LRPPRC: variants seen among roughly 807,000 people sequenced by gnomAD.
The protein encoded by LRPPRC is leucine rich pentatricopeptide repeat containing, also known as leucine-rich PPR motif-containing protein, mitochondrial.
LRPPRC carries 120 observed loss-of-function variants against 180.3 expected under a neutral mutation model. That is an observed-to-expected ratio of 0.67 (90% CI 0.57 to 0.77). LRPPRC has a LOEUF of 0.77. Ranked by LOEUF, LRPPRC falls within the 30% of genes least tolerant of loss-of-function variation. LRPPRC has a pLI of 0.00. For missense variants in LRPPRC, 2,012 were observed against 1,657.2 expected (o/e 1.21, Z -3.72); for synonymous variants, 723 against 600.0 (o/e 1.21, Z -3.00).
At chr2:43,956,120 C>T (rs1673103860) in intron 14 of LRPPRC, among the ~76,000 whole-genome samples, 1 of 150,056 alleles carries the variant, frequency 6.7e-6, no homozygotes, top group African/African-American at 2.4e-5. Context: ...GACATTCCAG[C>T]CTGGGCTCTT....
intron 37 of LRPPRC, among the ~76,000 whole-genome samples, 164 bp downstream of exon 37, chr2:43,889,570 G>A (rs977911320): frequency 2.0e-5 from 3 of 149,368 alleles, no homozygotes; most frequent in Non-Finnish European, 4.4e-5. Flanking sequence ...TCCGACTGCC[G>A]CAGCCAAGGC....
rs962318084 is a variant in LRPPRC at position 43,926,028 on chromosome 2, A to C, written c.2737-67T>G. ...CGGCTGAATATTATTTTTTTCCTCA[A>C]AGACAGTTTCTTTTCTTATGAATTT... On this transcript the variant is annotated intron_variant, in intron 25 of 37. Coordinates refer to ENST00000260665, the MANE Select transcript of LRPPRC (RefSeq NM_133259.4). The C allele has an allele frequency of 1.2e-5, 11 of 938,622 alleles. No homozygotes were observed. The Admixed American group carries it at 1.9e-4, about 16-fold the overall frequency. 58.1% of individuals were successfully genotyped at this position (938,622 alleles called of 1,614,324 possible).
At position 43,950,315 on chromosome 2, in the gene LRPPRC, T is replaced by C. The variant is rs4594494; in HGVS notation, c.1677+258A>G. 0.31 allele frequency among the ~76,000 whole-genome samples: 47,368 copies of C among 151,830 alleles called. 8,794 individuals are homozygous for C. Among genetic ancestry groups the C allele is most frequent in the East Asian group, 0.95 (4,886 of 5,150 alleles). ...CCATGGTGGTCGGCTGCACAGATCA[T>C]CCCATCACCCAGGTATTAAGCCCAG... On this transcript the variant is annotated intron_variant, in intron 15 of 37. Transcript: ENST00000260665.
At chr2:43,927,219 C>T (rs1481929389) in intron 25 of LRPPRC, among the ~76,000 whole-genome samples, 1 of 152,210 alleles carries the variant, frequency 6.6e-6, no homozygotes, top group Admixed American at 6.5e-5. Context: ...CTGCTTTCTC[C>T]GCTCACTTCT....
In LRPPRC at chr2:43,948,463, T is replaced by C; in HGVS notation, c.1791A>G (p.Val597=). Residue 597 remains valine, a synonymous_variant, in exon 17 of 38, where the codon GTA becomes GTG. Transcript: ENST00000260665. ...NLIDSMSDSE[V]QAKEEHLRQY... ...GTCTCAAATGCTCCTCCTTGGCCTGTACCTCTGAGTCACTCATGCTGTCAA... is the reference window on the plus strand; with the variant it reads ...GTCTCAAATGCTCCTCCTTGGCCTGCACCTCTGAGTCACTCATGCTGTCAA... The C allele has an allele frequency of 2.5e-6, 4 of 1,613,206 alleles. No homozygotes were observed. The highest frequency in any genetic ancestry group is 3.4e-6 in the Non-Finnish European group (4 of 1,179,148).
intron 14 of LRPPRC, among the ~76,000 whole-genome samples, chr2:43,957,178 T>G (rs989265416): frequency 2.0e-5 from 3 of 152,238 alleles, no homozygotes; most frequent in Non-Finnish European, 2.9e-5. Context: ...CAAACCTGTG[T>G]GCATTTCTCA....
intron 11 of LRPPRC, among the ~76,000 whole-genome samples, chr2:43,968,100 A>C (rs1480558802): frequency 1.4e-5 from 2 of 143,992 alleles, no homozygotes; most frequent in South Asian, 2.2e-4. Flanking sequence ...GTGAAATGAC[A>C]AAAAAAAAAA....
Position 43,925,936 on chromosome 2 carries a change from G to T in LRPPRC, c.2762C>A (p.Ala921Glu). 1 of 1,611,824 alleles carries T rather than the reference G, an allele frequency of 6.2e-7. No homozygotes were observed. Among genetic ancestry groups the T allele is most frequent in the Non-Finnish European group, 8.5e-7 (1 of 1,177,918 alleles). Residue 921 changes from alanine to glutamate, a missense_variant, in exon 26 of 38, where the codon GCA (alanine) becomes GAA (glutamate). By Grantham distance (107) the Ala-to-Glu change is moderately radical (BLOSUM62 -1). Coordinates refer to ENST00000260665, the MANE Select transcript of LRPPRC (RefSeq NM_133259.4). ...IETPGIRARS[A>E]RLQWFCDRCV... ...TCTGTCACAAAACCACTGAAGCCTT[G>T]CAGATCGAGCTCTAATCCCTGGAGT...
chr2:43,979,788 A>G, intron 3 of LRPPRC, 38 bp downstream of exon 3: 1 of 1,599,868 alleles, frequency 6.3e-7, no homozygotes, highest in Non-Finnish European at 8.6e-7. Flanking sequence ...AAAAACATCT[A>G]CACCTTTTAT....
intron 1 of LRPPRC, among the ~76,000 whole-genome samples, chr2:43,989,815 G>C (rs944444820): frequency 6.6e-6 from 1 of 152,202 alleles, no homozygotes; most frequent in Non-Finnish European, 1.5e-5. Context: ...ATCTCAACTT[G>C]AGGTCTTGAA....
chr2:43,905,351 T>A (rs1248688114), intron 31 of LRPPRC, among the ~76,000 whole-genome samples: 1 of 152,172 alleles, frequency 6.6e-6, no homozygotes, highest in Non-Finnish European at 1.5e-5. Flanking sequence ...CAAAGCAAAA[T>A]GACTTGTGCT....
chr2:43,934,839 G>C lies in LRPPRC; in HGVS notation c.2544C>G (p.Cys848Trp). The C allele has an allele frequency of 6.2e-7, 1 of 1,612,210 alleles. No homozygotes were observed. The highest frequency in any genetic ancestry group is 2.2e-5 in the East Asian group (1 of 44,798). The change falls in exon 24 of 38, where the codon TGC becomes TGG. Residue 848 changes from cysteine (C) to tryptophan (W), a missense_variant. Coordinates refer to ENST00000260665, the MANE Select transcript of LRPPRC (RefSeq NM_133259.4). ...LSTALEVAID[C>W]YEKYKVLPRI... ...TTGGTAATACTTTATACTTTTCATA[G>C]CAGTCAATGGCGACCTCAAGAGCAG...
rs190541154 is a variant in LRPPRC, at chr2:43,974,001, C to T, written c.1156-101G>A. On this transcript the variant is annotated intron_variant, in intron 9 of 37. Coordinates refer to ENST00000260665, the MANE Select transcript of LRPPRC (RefSeq NM_133259.4). ...CTTCTGAGATGAGCATTTTAAACCC[C>T]GCATCCTCTTTCTACCCAAAAATCT... 7.6e-5 allele frequency: 85 copies of T among 1,112,396 alleles called. 1 individual carries two copies. In the African/African-American group the frequency reaches 8.6e-4, roughly 11 times the overall value. 68.9% of individuals were successfully genotyped at this position (1,112,396 alleles called of 1,614,324 possible). A position where few individuals can be genotyped will look rare whatever the true frequency, so the allele number is the denominator to read the frequency against.
At chr2:43,935,977 G>T (rs1287653270) in intron 23 of LRPPRC, among the ~76,000 whole-genome samples, 4 of 152,172 alleles carry the variant, frequency 2.6e-5, no homozygotes, top group Non-Finnish European at 5.9e-5. Flanking sequence ...CAGCTACTCG[G>T]GGGGCTGAGG....
Position 43,950,598 on chromosome 2 carries a change from G to A in LRPPRC, c.1652C>T (p.Ser551Phe), listed in dbSNP as rs1672861415. Reference sequence around the variant, plus strand: ...CTCGCTCCAAAGATTTATATTCATAGACCTGCAGAGGGCAGCAAAGGATCG... The same window carrying A: ...CTCGCTCCAAAGATTTATATTCATAAACCTGCAGAGGGCAGCAAAGGATCG... Reference protein sequence around the residue: ...RSSLLLGFRRSMNINLWSEIT... With the variant: ...RSSLLLGFRRFMNINLWSEIT... The change falls in exon 15 of 38, where the codon TCT (serine) becomes TTT (phenylalanine). Residue 551 changes from serine (S) to phenylalanine (F), a missense_variant and splice_region_variant. Physicochemically the swap from Ser to Phe is radical, Grantham distance 155 (BLOSUM62 -2). Coordinates refer to ENST00000260665, the MANE Select transcript of LRPPRC (RefSeq NM_133259.4). 1.2e-6 allele frequency: 2 copies of A among 1,613,210 alleles called. No individual in the cohort carries two copies. Among genetic ancestry groups the A allele is most frequent in the South Asian group, 1.1e-5 (1 of 91,058 alleles).
rs115876065 is a variant in LRPPRC at position 43,917,362 on chromosome 2, A to G, written c.3148+663T>C. Among the ~76,000 whole-genome samples the G allele has an allele frequency of 1.1e-3, 169 of 151,870 alleles. 3 individuals are homozygous for G. The highest frequency in any genetic ancestry group is 1.8e-3 in the Non-Finnish European group (122 of 67,944). On this transcript the variant is annotated intron_variant, in intron 29 of 37. Coordinates refer to ENST00000260665, the MANE Select transcript of LRPPRC (RefSeq NM_133259.4). ...CAATGCCCGGCCTGCTTCGTTTTTT[A>G]TAGCTTAAGCATTTTTAAATACATT... is the stretch of plus-strand genomic sequence containing the variant.
intron 14 of LRPPRC, among the ~76,000 whole-genome samples, chr2:43,951,507 T>C (rs980790085): frequency 3.9e-5 from 6 of 152,222 alleles, no homozygotes; most frequent in African/African-American, 1.4e-4. Context: ...ATTCTGATTA[T>C]CAACTAGGAT....
chr2:43,992,161 G>C (rs1674810237), intron 1 of LRPPRC, among the ~76,000 whole-genome samples: 1 of 152,148 alleles, frequency 6.6e-6, no homozygotes, highest in South Asian at 2.1e-4. Context: ...AAATGGGAGA[G>C]GCAGTCAAGT....
At chr2:43,948,560 G>A (rs747228089) in intron 16 of LRPPRC, 42 bp from the exon 17 acceptor site, 45 of 939,536 alleles carry the variant, frequency 4.8e-5, no homozygotes, top group East Asian at 1.4e-4. Flanking sequence ...TAAAATTACC[G>A]AGACTGTCAT....
Sources: allele counts gnomAD v4.1 joint callset (sites outside exome capture counted in the v4.1 genomes callset), GRCh38; gene constraint gnomAD v4.1.1; transcripts MANE v1.5; gene names NCBI Gene and HGNC (gene_info 2026-07-23, HGNC 2026-07-21).